Variants in CEP126 observed in about 807,000 individuals in gnomAD.
The protein encoded by CEP126 is centrosomal protein 126, also known as centrosomal protein of 126 kDa.
Under a neutral mutation model 107.8 loss-of-function variants are expected in CEP126, and 74 were observed. That is an observed-to-expected ratio of 0.69 (90% CI 0.57 to 0.83). The LOEUF is 0.83. Among genes scored for constraint, CEP126 ranks in the 40% least tolerant of loss-of-function variants. The probability of loss-of-function intolerance (pLI) is 0.00; values close to 1 mark genes in which losing one functional copy is unlikely to be tolerated. For missense variants in CEP126, 1,237 were observed against 1,281.9 expected (o/e 0.96, Z 0.53); for synonymous variants, 449 against 446.0 (o/e 1.01, Z -0.08).
chr11:101,924,533 T>G (rs1940378836), intron 2 of CEP126, among the ~76,000 whole-genome samples: 1 of 152,110 alleles, frequency 6.6e-6, no homozygotes, highest in Non-Finnish European at 1.5e-5. Context: ...GGGCACAATC[T>G]CAGCTCACTG....
intron 10 of CEP126, 186 bp downstream of exon 10, chr11:101,993,028 TA>T: frequency 3.1e-6 from 1 of 325,342 alleles, no homozygotes; most frequent in Middle Eastern, 1.5e-3. Context: ...TCCTGTCATT[TA>T]AAAAAATCCT....
chr11:101,940,867 C>T (rs1042790526), intron 2 of CEP126, among the ~76,000 whole-genome samples: 7 of 152,142 alleles, frequency 4.6e-5, no homozygotes, highest in Admixed American at 4.6e-4. Flanking sequence ...CATGGGAAGT[C>T]ACACAGTATC....
intron 4 of CEP126, among the ~76,000 whole-genome samples, chr11:101,951,115 A>C (rs575807649): frequency 6.6e-6 from 1 of 152,284 alleles, no homozygotes; most frequent in South Asian, 2.1e-4. Flanking sequence ...AGAGGATGAG[A>C]GAGAAGAAAG....
intron 6 of CEP126, among the ~76,000 whole-genome samples, 179 bp from the exon 7 acceptor site, chr11:101,978,168 A>G (rs906114037): frequency 1.3e-5 from 2 of 152,226 alleles, no homozygotes; most frequent in African/African-American, 2.4e-5. Flanking sequence ...TGTTGAATTC[A>G]TCATTTTAAC....
chr11:101,973,691 G>T (rs1226734577), intron 6 of CEP126, among the ~76,000 whole-genome samples: 1 of 152,036 alleles, frequency 6.6e-6, no homozygotes, highest in Non-Finnish European at 1.5e-5. Context: ...AATAAATTAG[G>T]TTTTAATAAA....
Position 101,915,328 on chromosome 11 carries a change from T to G in CEP126, c.44T>G (p.Leu15Arg). 2.5e-6 allele frequency: 4 copies of G among 1,613,948 alleles called. No homozygotes were observed. The highest frequency in any genetic ancestry group is 3.4e-6 in the Non-Finnish European group (4 of 1,179,996). Residue 15 changes from leucine to arginine, a missense_variant, in exon 1 of 11, where the codon CTG (leucine) becomes CGG (arginine). Transcript: ENST00000263468. ...RPGTRSAVGE[L>R]GTESSDNLDR... ...GGAACCCGGAGCGCGGTCGGGGAAC[T>G]GGGCACTGAATCATCGGACAACCTC...
chr11:101,957,101 T>G (rs1940909809), intron 4 of CEP126, among the ~76,000 whole-genome samples: 1 of 152,166 alleles, frequency 6.6e-6, no homozygotes, highest in South Asian at 2.1e-4. Flanking sequence ...AATACCTTCT[T>G]GCTCTCCCTG....
At chr11:101,964,682 C>T (rs984715231) in intron 6 of CEP126, among the ~76,000 whole-genome samples, 4 of 151,930 alleles carry the variant, frequency 2.6e-5, no homozygotes, top group African/African-American at 9.7e-5. Flanking sequence ...GTAGCTGAAT[C>T]CTTTTAAGAG....
At position 101,915,301 on chromosome 11, in the gene CEP126, C is replaced by G. The variant is rs748433566; in HGVS notation, c.17C>G (p.Pro6Arg). The change falls in exon 1 of 11, where the codon CCC (proline) becomes CGC (arginine). Residue 6 changes from proline (P) to arginine (R), a missense_variant. Pro to Arg is a moderately radical substitution (Grantham distance 103). This residue lies in a region of CEP126 where 1,134 missense variants were observed against 1,150.5 expected (regional missense o/e 0.99). Transcript: ENST00000263468. ...AAGTGAAGGATGCTGGCGGGGAGGC[C>G]CGGAACCCGGAGCGCGGTCGGGGAA... MLAGR[P>R]GTRSAVGELG... The G allele has an allele frequency of 6.2e-7, 1 of 1,613,606 alleles. No homozygotes were observed. Among genetic ancestry groups the G allele is most frequent in the Non-Finnish European group, 8.5e-7 (1 of 1,179,932 alleles).
intron 6 of CEP126, among the ~76,000 whole-genome samples, chr11:101,972,435 A>C (rs960470349): frequency 6.6e-6 from 1 of 151,750 alleles, no homozygotes; most frequent in Non-Finnish European, 1.5e-5. Context: ...CAAAAAAAAC[A>C]ATACCTACAG....
chr11:101,976,756 A>C (rs912561541), intron 6 of CEP126, among the ~76,000 whole-genome samples: 2 of 152,062 alleles, frequency 1.3e-5, no homozygotes, highest in Admixed American at 6.5e-5. Context: ...TTTGTTTTTT[A>C]AGCAGGCTCA....
At chr11:101,942,292 A>G (rs904326620) in intron 2 of CEP126, among the ~76,000 whole-genome samples, 1 of 151,940 alleles carries the variant, frequency 6.6e-6, no homozygotes, top group African/African-American at 2.4e-5. Flanking sequence ...CTTTGGGGTA[A>G]TTTTTATATG....
At position 101,958,289 on chromosome 11, in the gene CEP126, A is replaced by G. The variant is rs763858079; in HGVS notation, c.628A>G (p.Thr210Ala). ...MNENMRATLA[T>A]SKNVFQLKLE... is the part of the protein sequence containing the mutation. Reference sequence around the variant, plus strand: ...TGAAAACATGAGGGCAACCTTGGCTACTAGCAAAAATGTGTTCCAGCTTAA... The same window carrying G: ...TGAAAACATGAGGGCAACCTTGGCTGCTAGCAAAAATGTGTTCCAGCTTAA... Residue 210 changes from threonine to alanine, a missense_variant, in exon 5 of 11, where the codon ACT becomes GCT. This residue lies in a region of CEP126 where 1,134 missense variants were observed against 1,150.5 expected (regional missense o/e 0.99). Coordinates refer to ENST00000263468, the MANE Select transcript of CEP126 (RefSeq NM_020802.4). 7 of 1,614,058 alleles carry G rather than the reference A, an allele frequency of 4.3e-6. No individual in the cohort carries two copies. The highest frequency in any genetic ancestry group is 1.7e-6 in the Non-Finnish European group (2 of 1,179,934).
intron 10 of CEP126, among the ~76,000 whole-genome samples, chr11:101,993,702 C>A (rs1326949068): frequency 6.6e-6 from 1 of 152,234 alleles, no homozygotes; most frequent in Non-Finnish European, 1.5e-5. Context: ...TTCTCCACAG[C>A]CTCACCAGTA....
At chr11:101,948,256 T>A in intron 4 of CEP126, 114 bp downstream of exon 4, 1 of 526,066 alleles carries the variant, frequency 1.9e-6, no homozygotes, top group Non-Finnish European at 3.3e-6. Context: ...TAGAGTTTAT[T>A]CTTTTATTTT....
intron 2 of CEP126, among the ~76,000 whole-genome samples, chr11:101,929,632 C>G (rs541995905): frequency 6.6e-6 from 1 of 152,282 alleles, no homozygotes; most frequent in East Asian, 1.9e-4. Context: ...GCGTAGGGCA[C>G]TTCGTCCTGC....
In CEP126 at chr11:101,931,069, A is replaced by T. The variant is rs570017330; in HGVS notation, c.248+8309A>T. On this transcript the variant is annotated intron_variant, in intron 2 of 10. Coordinates refer to ENST00000263468, the MANE Select transcript of CEP126 (RefSeq NM_020802.4). ...TTTCTAATACATTTTAACCTACTAA[A>T]TTGAGGGATTTTGTTAGAACTGAAA... is the stretch of plus-strand genomic sequence containing the variant. 5.4e-4 allele frequency among the ~76,000 whole-genome samples: 82 copies of T among 152,196 alleles called. 1 individual carries two copies. Among genetic ancestry groups the T allele is most frequent in the African/African-American group, 1.8e-3 (75 of 41,518 alleles).
chr11:101,972,477 C>T (rs1052893593), intron 6 of CEP126, among the ~76,000 whole-genome samples: 1 of 151,588 alleles, frequency 6.6e-6, no homozygotes, highest in Admixed American at 6.6e-5. Context: ...ATTGCATCCC[C>T]TTCCTCCGTT....
chr11:101,965,524 A>T (rs1941047926), intron 6 of CEP126, among the ~76,000 whole-genome samples: 1 of 152,184 alleles, frequency 6.6e-6, no homozygotes. Flanking sequence ...CTTGTCTACA[A>T]AAATCTAGAT....
Sources: allele counts gnomAD v4.1 joint callset (sites outside exome capture counted in the v4.1 genomes callset), GRCh38; gene constraint gnomAD v4.1.1; regional missense constraint gnomAD v4.1.1; transcripts MANE v1.5; gene names NCBI Gene and HGNC (gene_info 2026-07-23, HGNC 2026-07-21).